The following SOX5 variants were observed in gnomAD, a reference collection of about 807,000 sequenced individuals.
The protein encoded by SOX5 is transcription factor SOX-5.
A neutral mutation model predicts 92.0 loss-of-function variants in SOX5; 9 were observed. That is an observed-to-expected ratio of 0.10 (90% CI 0.06 to 0.17). The LOEUF is 0.17. SOX5 is among the 10% of genes least tolerant of loss of function. The pLI is 1.00. For synonymous variants in SOX5, 344 were observed against 336.3 expected (o/e 1.02, Z -0.25); for missense variants, 642 against 944.5 (o/e 0.68, Z 4.20).
At chr12:23,893,354 G>A (rs1400821863) in intron 2 of SOX5, among the ~76,000 whole-genome samples, 1 of 152,010 alleles carries the variant, frequency 6.6e-6, no homozygotes, top group African/African-American at 2.4e-5. Flanking sequence ...GCTGAGGCAG[G>A]AGAACTGCTT....
chr12:24,536,847 ACTTTCTATCCAC>A lies in SOX5; in HGVS notation c.-251+25470_-251+25481del, dbSNP rs1341556003. Among the ~76,000 whole-genome samples the A allele has an allele frequency of 2.0e-5, 3 of 152,322 alleles. No individual in the cohort carries two copies. The East Asian group carries it at 5.8e-4, about 29-fold the overall frequency. ...AATTCAAGGATTCAAATCAAAGGCAACTTTCTATCCACCTATATTAGGGAAAAAAACATGCAG... is the reference window on the plus strand; with the variant it reads ...AATTCAAGGATTCAAATCAAAGGCAACTATATTAGGGAAAAAAACATGCAG... On this transcript the variant is annotated intron_variant, in intron 1 of 4. Coordinates refer to the SOX5 transcript ENST00000446891.
At chr12:24,253,719 T>G (rs963108485) in intron 3 of SOX5, among the ~76,000 whole-genome samples, 15 of 151,948 alleles carry the variant, frequency 9.9e-5, no homozygotes, top group African/African-American at 3.6e-4. Flanking sequence ...GAAAAGACCA[T>G]CTCATAAAAC....
intron 4 of SOX5, among the ~76,000 whole-genome samples, chr12:24,091,656 G>A (rs970482032): frequency 6.6e-6 from 1 of 152,022 alleles, no homozygotes; most frequent in East Asian, 1.9e-4. Context: ...ATAATCAGAT[G>A]AGACAGAGGC....
chr12:24,454,103 C>T (rs966987478), intron 1 of SOX5, among the ~76,000 whole-genome samples: 1 of 151,936 alleles, frequency 6.6e-6, no homozygotes, highest in African/African-American at 2.4e-5. Flanking sequence ...TTTCTTCATT[C>T]GTTCTCTTGT....
chr12:24,361,053 G>C (rs1955499813), intron 2 of SOX5, among the ~76,000 whole-genome samples: 1 of 152,166 alleles, frequency 6.6e-6, no homozygotes, highest in Non-Finnish European at 1.5e-5. Context: ...TGGTTACAGT[G>C]AAAGCAAGGT....
chr12:23,979,902 T>A (rs1426743535), intron 4 of SOX5, among the ~76,000 whole-genome samples: 4 of 130,994 alleles, frequency 3.1e-5, no homozygotes, highest in African/African-American at 1.2e-4. Flanking sequence ...GCTGGCTGGC[T>A]GGCTGGCTGG....
At chr12:23,945,807 A>G (rs889932902) in intron 1 of SOX5, among the ~76,000 whole-genome samples, 2 of 152,112 alleles carry the variant, frequency 1.3e-5, no homozygotes, top group Non-Finnish European at 2.9e-5. Flanking sequence ...ACCTGAATGT[A>G]CTTATCACTC....
At chr12:23,746,241 C>T (rs779267787) in intron 4 of SOX5, among the ~76,000 whole-genome samples, 3 of 152,124 alleles carry the variant, frequency 2.0e-5, no homozygotes, top group Non-Finnish European at 4.4e-5. Context: ...AGTCACAAGA[C>T]ATCCTTGACT....
chr12:23,696,698 T>A (rs1485637089), intron 6 of SOX5, among the ~76,000 whole-genome samples: 1 of 152,182 alleles, frequency 6.6e-6, no homozygotes, highest in Non-Finnish European at 1.5e-5. Context: ...ATTTTAAACC[T>A]TTCCACTTTT....
chr12:24,246,370 A>T (rs1938724333), intron 3 of SOX5, among the ~76,000 whole-genome samples: 1 of 152,040 alleles, frequency 6.6e-6, no homozygotes, highest in Non-Finnish European at 1.5e-5. Flanking sequence ...CTAATGTTTC[A>T]AACTTAAAAA....
At chr12:23,979,698 GTTTTTTTTGTTTTTTT>G (rs1489882380) in intron 4 of SOX5, among the ~76,000 whole-genome samples, 686 of 64,652 alleles carry the variant, frequency 0.011, 43 homozygotes, top group African/African-American at 0.037. Context: ...ATATATATAT[GTTTTTTTTGTTTTTTT>G]TTTTTTTTTT....
intron 4 of SOX5, among the ~76,000 whole-genome samples, chr12:24,088,708 T>A (rs1944300114): frequency 6.6e-6 from 1 of 152,056 alleles, no homozygotes; most frequent in Non-Finnish European, 1.5e-5. Context: ...TAGATTATAC[T>A]GAGAAGACAT....
rs77169134 is a variant in SOX5 at position 23,882,409 on chromosome 12, G to A, written c.270+13384C>T. Among the ~76,000 whole-genome samples, 817 of 151,058 alleles carry A rather than the reference G, an allele frequency of 5.4e-3. 5 individuals are homozygous for A. The highest frequency in any genetic ancestry group is 0.019 in the African/African-American group (785 of 41,224). ...ACCACGGTAATAAACACAAACCCCC[G>A]AACCATGTCCTAAAAGAATATCATC... On this transcript the variant is annotated intron_variant, in intron 2 of 14. Coordinates refer to ENST00000451604, the MANE Select transcript of SOX5 (RefSeq NM_006940.6).
Position 23,880,790 on chromosome 12 carries a change from G to A in SOX5, c.270+15003C>T, listed in dbSNP as rs112736014. ...GAGATCATCACCAAGCAAATCTTAC[G>A]GAAAGCAAAGAAATGAATTCTTACA... On this transcript the variant is annotated intron_variant, in intron 2 of 14. Coordinates refer to ENST00000451604, the MANE Select transcript of SOX5 (RefSeq NM_006940.6). 5.7e-3 allele frequency among the ~76,000 whole-genome samples: 869 copies of A among 152,104 alleles called. 4 individuals carry two copies. The highest frequency in any genetic ancestry group is 0.016 in the South Asian group (77 of 4,816).
chr12:23,556,686 G>T (rs987778486), intron 11 of SOX5, among the ~76,000 whole-genome samples: 9 of 152,078 alleles, frequency 5.9e-5, no homozygotes, highest in Admixed American at 3.3e-4. Context: ...TTTAGCTAAA[G>T]GCAACATTTA....
chr12:23,540,559 G>T (rs894110748), intron 13 of SOX5, among the ~76,000 whole-genome samples: 3 of 152,000 alleles, frequency 2.0e-5, no homozygotes, highest in Admixed American at 1.3e-4. Flanking sequence ...AAGAGTTTGC[G>T]CTGGGCAACA....
At chr12:24,523,559 A>G (rs1167483220) in intron 1 of SOX5, among the ~76,000 whole-genome samples, 1 of 152,218 alleles carries the variant, frequency 6.6e-6, no homozygotes, top group Admixed American at 6.5e-5. Context: ...CCGATGGATC[A>G]GAAGAGAGAC....
intron 2 of SOX5, among the ~76,000 whole-genome samples, chr12:24,289,794 T>C (rs1267124821): frequency 2.6e-5 from 4 of 152,184 alleles, no homozygotes; most frequent in Non-Finnish European, 5.9e-5. Flanking sequence ...ATAGAGCTAT[T>C]ATCTTCCTGT....
At chr12:24,265,087 A>G (rs1185829830) in intron 3 of SOX5, among the ~76,000 whole-genome samples, 4 of 152,236 alleles carry the variant, frequency 2.6e-5, no homozygotes, top group African/African-American at 7.2e-5. Flanking sequence ...TGAACTTGTT[A>G]TCACTGTTAT....
Sources: allele counts gnomAD v4.1 joint callset (sites outside exome capture counted in the v4.1 genomes callset), GRCh38; gene constraint gnomAD v4.1.1; transcripts MANE v1.5; gene names NCBI Gene and HGNC (gene_info 2026-07-23, HGNC 2026-07-21).